Variants in NYAP2 observed in about 807,000 individuals in gnomAD.
The protein encoded by NYAP2 is neuronal tyrosine-phosphorylated phosphoinositide-3-kinase adaptor 2, also known as neuronal tyrosine-phosphorylated phosphoinositide-3-kinase adapter 2.
A neutral mutation model predicts 50.4 loss-of-function variants in NYAP2; 23 were observed. That is an observed-to-expected ratio of 0.46 (90% CI 0.33 to 0.65). NYAP2 has a LOEUF of 0.65. Ranked by LOEUF, NYAP2 falls within the 30% of genes least tolerant of loss-of-function variation. The pLI is 0.02. For missense variants in NYAP2, 885 were observed against 861.0 expected, an observed-to-expected ratio of 1.03 and a Z score of -0.35; for synonymous variants, 394 against 365.2, an observed-to-expected ratio of 1.08 and a Z score of -0.90.
At chr2:225,463,169 C>T (rs1246422563) in intron 3 of NYAP2, among the ~76,000 whole-genome samples, 1 of 152,250 alleles carries the variant, frequency 6.6e-6, no homozygotes, top group Non-Finnish European at 1.5e-5. Context: ...GGCAGGCTTA[C>T]ACCTGCATTG....
At chr2:225,413,061 G>A (rs962928929) in intron 3 of NYAP2, among the ~76,000 whole-genome samples, 1 of 152,134 alleles carries the variant, frequency 6.6e-6, no homozygotes. Flanking sequence ...TGTAGTATGT[G>A]TCTTACTATC....
intron 5 of NYAP2, among the ~76,000 whole-genome samples, chr2:225,601,505 C>T (rs1465387432): frequency 2.0e-5 from 3 of 152,140 alleles, no homozygotes; most frequent in African/African-American, 7.2e-5. Flanking sequence ...TTTATTCCCA[C>T]CAGCAATGCA....
chr2:225,497,022 G>A (rs570323323), intron 3 of NYAP2, among the ~76,000 whole-genome samples: 1 of 152,212 alleles, frequency 6.6e-6, no homozygotes, highest in Admixed American at 6.5e-5. Context: ...GAGAAGATGA[G>A]GTTTGATCAA....
At chr2:225,424,590 C>A (rs1695259333) in intron 3 of NYAP2, among the ~76,000 whole-genome samples, 1 of 151,890 alleles carries the variant, frequency 6.6e-6, no homozygotes, top group South Asian at 2.1e-4. Context: ...TTTAGCAATG[C>A]ATTTACCTAT....
intron 5 of NYAP2, among the ~76,000 whole-genome samples, chr2:225,620,475 A>G (rs1425720831): frequency 6.6e-6 from 1 of 150,562 alleles, no homozygotes; most frequent in Non-Finnish European, 1.5e-5. Context: ...ATGCACACGC[A>G]CACGCACGCA....
chr2:225,567,129 T>C, intron 4 of NYAP2, among the ~76,000 whole-genome samples: 1 of 152,142 alleles, frequency 6.6e-6, no homozygotes, highest in East Asian at 1.9e-4. Flanking sequence ...GTATAGCATG[T>C]CACAATATTG....
At chr2:225,690,423 G>A in the NYAP2 span, among the ~76,000 whole-genome samples, 2 of 152,028 alleles carry the variant, frequency 1.3e-5, no homozygotes, top group Non-Finnish European at 2.9e-5. Flanking sequence ...TGAGGGCTAT[G>A]TTGTTGTCCA....
intron 6 of NYAP2, among the ~76,000 whole-genome samples, chr2:225,645,667 ATAAT>A (rs1376297661): frequency 3.3e-5 from 5 of 152,190 alleles, no homozygotes; most frequent in Non-Finnish European, 5.9e-5. Flanking sequence ...CTTCTAGTTA[ATAAT>A]TAATCTCTCA....
chr2:225,646,686 A>G (rs1693640880), intron 6 of NYAP2, among the ~76,000 whole-genome samples: 1 of 152,236 alleles, frequency 6.6e-6, no homozygotes, highest in Non-Finnish European at 1.5e-5. Flanking sequence ...CTATCCCTGC[A>G]TATGGAGTCA....
chr2:225,433,914 T>A (rs367845928), intron 3 of NYAP2, among the ~76,000 whole-genome samples: 48 of 151,486 alleles, frequency 3.2e-4, no homozygotes, highest in African/African-American at 1.1e-3. Context: ...CAAATATCAG[T>A]ATTTAGGGGA....
intron 3 of NYAP2, among the ~76,000 whole-genome samples, chr2:225,465,828 T>G (rs1304249509): frequency 1.3e-5 from 2 of 152,244 alleles, no homozygotes; most frequent in Non-Finnish European, 2.9e-5. Context: ...AACTCTTTCT[T>G]CAACACAATC....
intron 4 of NYAP2, among the ~76,000 whole-genome samples, chr2:225,574,318 T>C (rs1364377755): frequency 6.6e-6 from 1 of 152,120 alleles, no homozygotes; most frequent in Non-Finnish European, 1.5e-5. Flanking sequence ...GGGAGGAACA[T>C]AGAAGTCACT....
chr2:225,549,710 G>A (rs920557128), intron 4 of NYAP2, among the ~76,000 whole-genome samples: 2 of 152,096 alleles, frequency 1.3e-5, no homozygotes, highest in African/African-American at 2.4e-5. Flanking sequence ...CCATGTGGGC[G>A]GTGGCTCATG....
intron 3 of NYAP2, among the ~76,000 whole-genome samples, chr2:225,512,627 T>C (rs1690839677): frequency 7.3e-6 from 1 of 137,596 alleles, no homozygotes; most frequent in Admixed American, 7.4e-5. Context: ...CTTTTTACTT[T>C]TTCTCCTTCC....
At chr2:225,580,034 C>G (rs1037089163) in intron 4 of NYAP2, among the ~76,000 whole-genome samples, 1 of 152,168 alleles carries the variant, frequency 6.6e-6, no homozygotes, top group Non-Finnish European at 1.5e-5. Context: ...AAAGAATTCC[C>G]TCAACCCCAG....
intron 2 of NYAP2, among the ~76,000 whole-genome samples, chr2:225,407,147 G>C (rs1694955131): frequency 6.6e-6 from 1 of 151,982 alleles, no homozygotes; most frequent in Non-Finnish European, 1.5e-5. Context: ...GTCCTTGGTA[G>C]AAGTGAATTC....
rs114964915 is a variant in NYAP2 at position 225,604,737 on chromosome 2, C to T, written c.1618+21702C>T. ...TATATTTTTTTCCCCAGGAATACTA[C>T]GACAAATTTCATATTGGCCACTAAT... On this transcript the variant is annotated intron_variant, in intron 5 of 6. Coordinates refer to ENST00000636099, the Ensembl canonical transcript of NYAP2. Among the ~76,000 whole-genome samples, 532 of 152,146 alleles carry T rather than the reference C, an allele frequency of 3.5e-3. 6 individuals carry two copies. Among genetic ancestry groups the T allele is most frequent in the African/African-American group, 0.012 (495 of 41,526 alleles).
intron 4 of NYAP2, among the ~76,000 whole-genome samples, chr2:225,529,701 ATTTTAT>A (rs1308506147): frequency 3.3e-5 from 5 of 150,432 alleles, no homozygotes; most frequent in Non-Finnish European, 7.4e-5. Context: ...CAGTGTTTTT[ATTTTAT>A]TTTTATTATT....
At chr2:225,438,269 A>T (rs1263869757) in intron 3 of NYAP2, among the ~76,000 whole-genome samples, 1 of 152,244 alleles carries the variant, frequency 6.6e-6, no homozygotes, top group Non-Finnish European at 1.5e-5. Flanking sequence ...AAACTGTCAC[A>T]TCAAGTAATG....
Sources: gnomAD v4.1 joint callset for allele counts (sites outside exome capture counted in the v4.1 genomes callset) on GRCh38, gnomAD v4.1.1 for gene constraint, MANE v1.5 for transcripts, NCBI Gene and HGNC (gene_info 2026-07-23, HGNC 2026-07-21) for gene names.